The following FNTA variants were observed in gnomAD, a reference collection of about 807,000 sequenced individuals.
FNTA encodes the protein protein farnesyltransferase/geranylgeranyltransferase type-1 subunit alpha.
A neutral mutation model predicts 55.2 loss-of-function variants in FNTA; 27 were observed. The observed-to-expected ratio is 0.49, with a 90% CI of 0.36 to 0.67. FNTA has a LOEUF of 0.67. Ranked by LOEUF, FNTA falls within the 30% of genes least tolerant of loss-of-function variation. The pLI, the probability that FNTA is intolerant of heterozygous loss-of-function variation, is 0.00. For missense variants in FNTA, 422 were observed against 464.7 expected (o/e 0.91, Z 0.85); for synonymous variants, 176 against 170.7 (o/e 1.03, Z -0.24).
At chr8:43,080,244 A>G (rs1300697384) in intron 6 of FNTA, 1 of 152,216 alleles carries the variant, frequency 6.6e-6, no homozygotes, top group African/African-American at 2.4e-5. Flanking sequence ...ATCACATGCT[A>G]CAGAGAAATC....
intron 3 of FNTA, among the ~76,000 whole-genome samples, chr8:43,064,885 GGA>G (rs1310501648): frequency 7.0e-6 from 1 of 143,726 alleles, no homozygotes; most frequent in African/African-American, 2.6e-5. Flanking sequence ...GTCACCATCT[GGA>G]GTGCAGTGGC....
chr8:43,064,355 A>G, intron 3 of FNTA, 140 bp downstream of exon 3: 1 of 573,000 alleles, frequency 1.7e-6, no homozygotes, highest in Middle Eastern at 4.7e-4. Context: ...CTTGTTGCCC[A>G]GGCTGGAGTA....
intron 6 of FNTA, 195 bp from the exon 7 acceptor site, chr8:43,082,923 G>A: frequency 2.8e-6 from 1 of 354,568 alleles, no homozygotes; most frequent in East Asian, 6.9e-5. Flanking sequence ...GTGGGCGCCT[G>A]TAGTCCCAGC....
intron 5 of FNTA, among the ~76,000 whole-genome samples, chr8:43,073,045 C>A (rs1810829956): frequency 6.6e-6 from 1 of 152,118 alleles, no homozygotes; most frequent in Admixed American, 6.6e-5. Context: ...AACTCCCACT[C>A]TGGGTATTTT....
intron 6 of FNTA, chr8:43,082,137 G>A (rs1335901109): frequency 6.6e-6 from 1 of 152,062 alleles, no homozygotes; most frequent in Non-Finnish European, 1.5e-5. Context: ...CCAAGCTTTA[G>A]TCAGTGACTT....
At chr8:43,069,942 C>G (rs1034197858) in intron 4 of FNTA, among the ~76,000 whole-genome samples, 7 of 151,882 alleles carry the variant, frequency 4.6e-5, no homozygotes, top group Non-Finnish European at 8.8e-5. Context: ...TTGCGCCTGG[C>G]CTAGAATTTT....
At chr8:43,065,552 C>A (rs932124209) in intron 3 of FNTA, among the ~76,000 whole-genome samples, 1 of 146,220 alleles carries the variant, frequency 6.8e-6, no homozygotes, top group Non-Finnish European at 1.5e-5. Context: ...CGGCTGCTGA[C>A]CCACATTTAA....
intron 6 of FNTA, chr8:43,077,575 A>C (rs780629671): frequency 8.4e-6 from 3 of 358,590 alleles, no homozygotes; most frequent in African/African-American, 6.3e-5. Flanking sequence ...TTGCTACTGG[A>C]GATTGGAAAG....
intron 3 of FNTA, among the ~76,000 whole-genome samples, chr8:43,067,483 A>G (rs1346136254): frequency 6.6e-6 from 1 of 152,054 alleles, no homozygotes; most frequent in East Asian, 1.9e-4. Flanking sequence ...TACTTAATCT[A>G]CCCTGTTTAA....
intron 3 of FNTA, among the ~76,000 whole-genome samples, chr8:43,067,025 A>G (rs1186371600): frequency 6.6e-6 from 1 of 152,210 alleles, no homozygotes; most frequent in Non-Finnish European, 1.5e-5. Flanking sequence ...AATTTGAAAT[A>G]GAAACTTTTT....
intron 3 of FNTA, among the ~76,000 whole-genome samples, chr8:43,068,384 G>A (rs1216874030): frequency 1.3e-5 from 2 of 152,142 alleles, no homozygotes; most frequent in East Asian, 3.8e-4. Context: ...CAGAACTAAC[G>A]ACGTCTTTAG....
intron 3 of FNTA, among the ~76,000 whole-genome samples, chr8:43,068,092 G>A (rs1810702557): frequency 6.6e-6 from 1 of 152,254 alleles, no homozygotes; most frequent in East Asian, 1.9e-4. Context: ...AGTAGAGATG[G>A]TGTTTCACCA....
intron 3 of FNTA, among the ~76,000 whole-genome samples, chr8:43,066,560 G>A (rs1810664282): frequency 6.7e-6 from 1 of 149,004 alleles, no homozygotes; most frequent in Non-Finnish European, 1.5e-5. Flanking sequence ...TGCCTGGCCT[G>A]AATATTCTTT....
At chr8:43,068,965 G>T (rs1380509640) in intron 3 of FNTA, among the ~76,000 whole-genome samples, 2 of 152,156 alleles carry the variant, frequency 1.3e-5, no homozygotes, top group Non-Finnish European at 2.9e-5. Context: ...ACCTGCCTCA[G>T]CCTCTCAAAG....
rs1810737839 is a variant in FNTA, at chr8:43,069,540, G to A, written c.402-15G>A. 1.3e-6 allele frequency: 2 copies of A among 1,526,168 alleles called. No homozygotes were observed. Among genetic ancestry groups the A allele is most frequent in the Admixed American group, 1.7e-5 (1 of 59,096 alleles). The allele number at this position is 1,526,168 out of a possible 1,614,324, so 94.5% of individuals were successfully genotyped here. A position where few individuals can be genotyped will look rare whatever the true frequency, so the allele number is the denominator to read the frequency against. ...GTGTAATAATGCGACTTTGGATGTT[G>A]TATGTTTGCCCTAGGCATTTCCGGA... On this transcript the variant is annotated splice_polypyrimidine_tract_variant and intron_variant, in intron 3 of 8. Transcript: ENST00000302279.
intron 2 of FNTA, among the ~76,000 whole-genome samples, chr8:43,059,510 G>A (rs893666869): frequency 3.3e-5 from 5 of 152,132 alleles, no homozygotes; most frequent in Admixed American, 3.3e-4. Flanking sequence ...ATGAGTTACT[G>A]TTTTTAGAAT....
chr8:43,071,658 C>T (rs544477022), intron 4 of FNTA, among the ~76,000 whole-genome samples: 28 of 149,750 alleles, frequency 1.9e-4, no homozygotes, highest in African/African-American at 6.9e-4. Context: ...GGGGACAATG[C>T]ACTCCAGCCT....
intron 3 of FNTA, among the ~76,000 whole-genome samples, chr8:43,064,640 C>A (rs575264378): frequency 4.0e-5 from 6 of 151,668 alleles, no homozygotes; most frequent in Admixed American, 1.3e-4. Context: ...AATAGCAATT[C>A]GCTTATGGGT....
At chr8:43,060,765 C>A (rs955118991) in intron 2 of FNTA, among the ~76,000 whole-genome samples, 22 of 151,860 alleles carry the variant, frequency 1.4e-4, no homozygotes, top group African/African-American at 5.3e-4. Context: ...ACCTGTCAAC[C>A]GTTTATAGAC....
Sources: allele counts gnomAD v4.1 joint callset (sites outside exome capture counted in the v4.1 genomes callset), GRCh38; gene constraint gnomAD v4.1.1; transcripts MANE v1.5; gene names NCBI Gene and HGNC (gene_info 2026-07-23, HGNC 2026-07-21).